Variants in INHA observed in about 807,000 individuals in gnomAD.
The protein encoded by INHA is inhibin alpha chain.
In INHA, 8 loss-of-function variants were observed where a neutral mutation model predicts 21.3. The observed-to-expected ratio is 0.38, with a 90% CI of 0.22 to 0.68. The LOEUF (loss-of-function observed/expected upper bound fraction) is 0.68. Among genes scored for constraint, INHA ranks in the 30% least tolerant of loss-of-function variants. INHA has a pLI of 0.53. For missense variants in INHA, 436 were observed against 465.8 expected (o/e 0.94, Z 0.59); for synonymous variants, 231 against 207.5 (o/e 1.11, Z -0.97).
Position 219,574,839 on chromosome 2 carries a change from C to T in INHA, c.414C>T (p.Asp138=). The T allele has an allele frequency of 6.2e-7, 1 of 1,614,060 alleles. No individual in the cohort carries two copies. The highest frequency in any genetic ancestry group is 8.5e-7 in the Non-Finnish European group (1 of 1,179,972). The change falls in exon 2 of 2, where the codon GAC becomes GAT. Residue 138 remains aspartate, a synonymous_variant. Coordinates refer to ENST00000243786, the MANE Select transcript of INHA (RefSeq NM_002191.4). ...SAQLWFHTGL[D]RQGTAASNSS... ...AGCTGTGGTTCCACACCGGGCTGGA[C>T]AGGCAGGGCACAGCAGCCTCCAATA...
Position 219,575,685 on chromosome 2 carries a change from A to G in INHA, c.*159A>G. 2 of 661,442 alleles carry G rather than the reference A, an allele frequency of 3.0e-6. No individual in the cohort carries two copies. Among genetic ancestry groups the G allele is most frequent in the South Asian group, 3.4e-5 (2 of 59,378 alleles). 41.0% of individuals were successfully genotyped at this position (661,442 alleles called of 1,614,324 possible). A position where few individuals can be genotyped will look rare whatever the true frequency, so the allele number is the denominator to read the frequency against. On this transcript the variant is annotated 3_prime_UTR_variant, in exon 2 of 2. Coordinates refer to ENST00000243786, the MANE Select transcript of INHA (RefSeq NM_002191.4). ...CCCTCCCCACCCCACTTCTATCTCA[A>G]TAAAGAACACAGTGCATATGACTTG...
chr2:219,575,272 C>G lies in INHA; in HGVS notation c.847C>G (p.Pro283Ala). 1 of 1,614,190 alleles carries G rather than the reference C, an allele frequency of 6.2e-7. No individual in the cohort carries two copies. The highest frequency in any genetic ancestry group is 8.5e-7 in the Non-Finnish European group (1 of 1,180,032). The change falls in exon 2 of 2, where the codon CCT becomes GCT. Residue 283 changes from proline (P) to alanine (A), a missense_variant. Coordinates refer to ENST00000243786, the MANE Select transcript of INHA (RefSeq NM_002191.4). Reference protein sequence around the residue: ...ELGWERWIVYPPSFIFHYCHG... With the variant: ...ELGWERWIVYAPSFIFHYCHG... ...GGGCTGGGAACGGTGGATCGTGTAC[C>G]CTCCCAGTTTCATCTTCCACTACTG...
chr2:219,574,278 C>CA (rs1189604451), intron 1 of INHA, among the ~76,000 whole-genome samples: 1,184 of 65,844 alleles, frequency 0.018, 8 homozygotes, highest in South Asian at 0.021. Context: ...GACTCTGTCT[C>CA]AAAAAAAAAA....
rs765464105 is a variant in INHA at position 219,572,524 on chromosome 2, T to C, written c.150T>C (p.Gly50=). 10 of 1,600,514 alleles carry C rather than the reference T, an allele frequency of 6.2e-6. No individual in the cohort carries two copies. In the African/African-American group the frequency reaches 9.4e-5, roughly 15 times the overall value. Residue 50 remains glycine, a synonymous_variant, in exon 1 of 2, where the codon GGT becomes GGC. Coordinates refer to ENST00000243786, the MANE Select transcript of INHA (RefSeq NM_002191.4). ...GGCCCCCCGCGGTGACCAGGGAAGGTGGGGACCCTGGAGTCAGGCGGCTGC... is the reference window on the plus strand; with the variant it reads ...GGCCCCCCGCGGTGACCAGGGAAGGCGGGGACCCTGGAGTCAGGCGGCTGC... ...ALGPPAVTRE[G]GDPGVRRLPR...
In INHA at chr2:219,575,448, C is replaced by A. The variant is rs1346599351; in HGVS notation, c.1023C>A (p.Arg341=). The A allele has an allele frequency of 4.3e-6, 7 of 1,614,092 alleles. No individual in the cohort carries two copies. In the East Asian group the frequency reaches 1.6e-4, roughly 36 times the overall value. ...GGACCATGAGGCCCCTACATGTCCG[C>A]ACCACCTCGGATGGAGGTTACTCTT... ...LPGTMRPLHV[R]TTSDGGYSFK... is the part of the protein sequence containing the mutation. The change falls in exon 2 of 2, where the codon CGC becomes CGA. Residue 341 remains arginine, a synonymous_variant. Coordinates refer to ENST00000243786, the MANE Select transcript of INHA (RefSeq NM_002191.4).
At chr2:219,573,164 G>T (rs1315494703) in intron 1 of INHA, among the ~76,000 whole-genome samples, 1 of 152,190 alleles carries the variant, frequency 6.6e-6, no homozygotes, top group Non-Finnish European at 1.5e-5. Flanking sequence ...CCTGTGGGTG[G>T]GCTTTCTTGT....
Position 219,575,695 on chromosome 2 carries a change from C to G in INHA, c.*169C>G. 1 of 647,966 alleles carries G rather than the reference C, an allele frequency of 1.5e-6. No individual in the cohort carries two copies. The highest frequency in any genetic ancestry group is 2.8e-6 in the Non-Finnish European group (1 of 361,576). The allele number at this position is 647,966 out of a possible 1,614,324, so 40.1% of individuals were successfully genotyped here. ...CCCACTTCTATCTCAATAAAGAACA[C>G]AGTGCATATGACTTGACATATGTTC... On this transcript the variant is annotated 3_prime_UTR_variant, in exon 2 of 2. Transcript: ENST00000243786.
At chr2:219,574,448 CCACTT>C (rs1407876980) in intron 1 of INHA, among the ~76,000 whole-genome samples, 1 of 152,098 alleles carries the variant, frequency 6.6e-6, no homozygotes, top group African/African-American at 2.4e-5. Flanking sequence ...ATTGGTAAAA[CCACTT>C]CAGAGAGAAG....
intron 1 of INHA, 26 bp from the exon 2 acceptor site, chr2:219,574,667 CT>C (rs1559166260): frequency 1.3e-6 from 2 of 1,581,992 alleles, no homozygotes; most frequent in Admixed American, 1.8e-5. Context: ...CAGGGCTGCC[CT>C]CTCCCTTTTC....
At chr2:219,574,642 C>A in intron 1 of INHA, 52 bp from the exon 2 acceptor site, 1 of 1,470,948 alleles carries the variant, frequency 6.8e-7, no homozygotes, top group Non-Finnish European at 9.3e-7. Flanking sequence ...AGGAGGGGTG[C>A]CAGGTCCTGC....
Position 219,572,729 on chromosome 2 carries a change from A to G in INHA, c.268+87A>G, listed in dbSNP as rs1697441039. On this transcript the variant is annotated intron_variant, in intron 1 of 1. Transcript: ENST00000243786. ...TGCAGGCCAGGCGGACCTGGGTTTG[A>G]ATCCTAGTCCTGCTACTCAGTTGCT... 6 of 1,436,018 alleles carry G rather than the reference A, an allele frequency of 4.2e-6. No individual in the cohort carries two copies. The Admixed American group carries it at 7.9e-5, about 19-fold the overall frequency. The allele number at this position is 1,436,018 out of a possible 1,614,324, so 89.0% of individuals were successfully genotyped here. A position where few individuals can be genotyped will look rare whatever the true frequency, so the allele number is the denominator to read the frequency against.
chr2:219,575,309 G>C lies in INHA; in HGVS notation c.884G>C (p.Cys295Ser). Residue 295 changes from cysteine (C) to serine (S), a missense_variant, in exon 2 of 2, where the codon TGT becomes TCT. Transcript: ENST00000243786. ...ATCTTCCACTACTGTCATGGTGGTT[G>C]TGGGCTGCACATCCCACCAAACCTG... is the stretch of plus-strand genomic sequence containing the variant. ...SFIFHYCHGG[C>S]GLHIPPNLSL... is the part of the protein sequence containing the mutation. 6.2e-7 allele frequency: 1 copy of C among 1,614,200 alleles called. No homozygotes were observed. Among genetic ancestry groups the C allele is most frequent in the South Asian group, 1.1e-5 (1 of 91,078 alleles).
At position 219,575,434 on chromosome 2, in the gene INHA, C is replaced by A. The variant is rs199646192; in HGVS notation, c.1009C>A (p.Pro337Thr). 1 of 1,613,994 alleles carries A rather than the reference C, an allele frequency of 6.2e-7. No individual in the cohort carries two copies. Among genetic ancestry groups the A allele is most frequent in the East Asian group, 2.2e-5 (1 of 44,884 alleles). The change falls in exon 2 of 2, where the codon CCC becomes ACC. Residue 337 changes from proline to threonine, a missense_variant. By Grantham distance (38) the Pro-to-Thr change is conservative. Transcript: ENST00000243786. ...CCAALPGTMR[P>T]LHVRTTSDGG... ...TGCTGCTCTCCCAGGGACCATGAGG[C>A]CCCTACATGTCCGCACCACCTCGGA... is the stretch of plus-strand genomic sequence containing the variant.
chr2:219,575,574 C>T lies in INHA; in HGVS notation c.*48C>T, dbSNP rs747166717. On this transcript the variant is annotated 3_prime_UTR_variant, in exon 2 of 2. Coordinates refer to ENST00000243786, the MANE Select transcript of INHA (RefSeq NM_002191.4). The stretch of plus-strand genomic sequence containing the variant: ...ATCCCATGGCTGGTGGCCACGCCCC[C>T]ACCATCATCAGCTGGGAGGAAAGGC... 2 of 1,444,910 alleles carry T rather than the reference C, an allele frequency of 1.4e-6. No individual in the cohort carries two copies. The highest frequency in any genetic ancestry group is 1.9e-6 in the Non-Finnish European group (2 of 1,031,466). The allele number at this position is 1,444,910 out of a possible 1,614,324, so 89.5% of individuals were successfully genotyped here.
chr2:219,574,556 C>G, intron 1 of INHA, 138 bp from the exon 2 acceptor site: 1 of 685,028 alleles, frequency 1.5e-6, no homozygotes. Context: ...GGAGAGTCCC[C>G]ACGTCCCGGA....
rs199885480 is a variant in INHA at position 219,574,878 on chromosome 2, G to C, written c.453G>C (p.Leu151=). 104 of 1,614,142 alleles carry C rather than the reference G, an allele frequency of 6.4e-5. No individual in the cohort carries two copies. In the East Asian group the frequency reaches 2.2e-3, roughly 35 times the overall value. ...CAGCCTCCAATAGCTCTGAGCCCCTGCTAGGCCTGCTGGCACTGTCACCGG... is the reference window on the plus strand; with the variant it reads ...CAGCCTCCAATAGCTCTGAGCCCCTCCTAGGCCTGCTGGCACTGTCACCGG... The part of the protein sequence containing the change: ...GTAASNSSEP[L]LGLLALSPGG... The change falls in exon 2 of 2, where the codon CTG becomes CTC. Residue 151 remains leucine, a synonymous_variant. Coordinates refer to ENST00000243786, the MANE Select transcript of INHA (RefSeq NM_002191.4).
intron 1 of INHA, among the ~76,000 whole-genome samples, chr2:219,574,115 C>A (rs900970350): frequency 1.3e-5 from 2 of 151,854 alleles, no homozygotes; most frequent in African/African-American, 4.8e-5. Flanking sequence ...CCTGTCTCTA[C>A]AAAACCCACA....
Position 219,574,726 on chromosome 2 carries a change from G to A in INHA, c.301G>A (p.Gly101Arg). The A allele has an allele frequency of 6.2e-7, 1 of 1,613,740 alleles. No individual in the cohort carries two copies. Among genetic ancestry groups the A allele is most frequent in the Non-Finnish European group, 8.5e-7 (1 of 1,179,904 alleles). Reference sequence around the variant, plus strand: ...CTGTGAGGACAAGTCAGCTGCCAGAGGGCTGGCCCAGGAGGCTGAGGAGGG... The same window carrying A: ...CTGTGAGGACAAGTCAGCTGCCAGAAGGCTGGCCCAGGAGGCTGAGGAGGG... The part of the protein sequence containing the change: ...ASCEDKSAAR[G>R]LAQEAEEGLF... Residue 101 changes from glycine (G) to arginine (R), a missense_variant, in exon 2 of 2, where the codon GGG becomes AGG. Physicochemically the swap from Gly to Arg is moderately radical, Grantham distance 125. Coordinates refer to ENST00000243786, the MANE Select transcript of INHA (RefSeq NM_002191.4).
chr2:219,572,399 T>C lies in INHA; in HGVS notation c.25T>C (p.Leu9=). The C allele has an allele frequency of 6.2e-7, 1 of 1,614,002 alleles. No homozygotes were observed. Among genetic ancestry groups the C allele is most frequent in the Non-Finnish European group, 8.5e-7 (1 of 1,180,008 alleles). The change falls in exon 1 of 2, where the codon TTG becomes CTG. Residue 9 remains leucine (L), a synonymous_variant. Coordinates refer to ENST00000243786, the MANE Select transcript of INHA (RefSeq NM_002191.4). MVLHLLLF[L]LLTPQGGHSC... ...TATGGTGCTGCACCTACTGCTCTTC[T>C]TGCTGCTGACCCCACAGGGTGGGCA... is the stretch of plus-strand genomic sequence containing the variant.
Sources: gnomAD v4.1 joint callset for allele counts (sites outside exome capture counted in the v4.1 genomes callset) on GRCh38, gnomAD v4.1.1 for gene constraint, MANE v1.5 for transcripts, NCBI Gene and HGNC (gene_info 2026-07-23, HGNC 2026-07-21) for gene names.